Variants in SDK1 observed in about 807,000 individuals in gnomAD.
SDK1 encodes sidekick cell adhesion molecule 1.
Under a neutral mutation model 245.5 loss-of-function variants are expected in SDK1, and 157 were observed. That is an observed-to-expected ratio of 0.64 (90% confidence interval 0.56 to 0.73). SDK1 has a LOEUF of 0.73. Ranked by LOEUF, SDK1 falls within the 30% of genes least tolerant of loss-of-function variation. SDK1 has a pLI of 0.00. For missense variants in SDK1, 3,583 were observed against 3,002.3 expected (o/e 1.19, Z -4.52); for synonymous variants, 1,647 against 1,278.5 (o/e 1.29, Z -6.15).
chr7:3,332,974 G>A (rs373994695), intron 1 of SDK1, among the ~76,000 whole-genome samples: 6 of 152,310 alleles, frequency 3.9e-5, no homozygotes, highest in African/African-American at 1.2e-4. Flanking sequence ...GAGCCTCTTT[G>A]TCCAGAAAAG....
intron 1 of SDK1, among the ~76,000 whole-genome samples, chr7:3,481,766 G>A (rs1781530183): frequency 6.6e-6 from 1 of 152,200 alleles, no homozygotes; most frequent in African/African-American, 2.4e-5. Context: ...AACAGCAGTT[G>A]TCATTTGCTC....
At position 3,979,550 on chromosome 7, in the gene SDK1, A is replaced by T. The variant is rs187484266; in HGVS notation, c.1994+5005A>T. Among the ~76,000 whole-genome samples the T allele has an allele frequency of 2.0e-5, 3 of 152,238 alleles. No individual in the cohort carries two copies. In the East Asian group the frequency reaches 5.8e-4, roughly 29 times the overall value. On this transcript the variant is annotated intron_variant, in intron 13 of 44. Coordinates refer to ENST00000404826, the MANE Select transcript of SDK1 (RefSeq NM_152744.4). The stretch of plus-strand genomic sequence containing the variant: ...ACTCCACCTACTGAGCTGAAATGAG[A>T]CGGTGTCTTTTGCCCTACTGAGGAG...
intron 4 of SDK1, among the ~76,000 whole-genome samples, chr7:3,748,017 A>G: frequency 6.6e-6 from 1 of 152,316 alleles, no homozygotes; most frequent in South Asian, 2.1e-4. Flanking sequence ...ATATTAGTAT[A>G]TATTTGATTA....
chr7:4,175,712 C>A, intron 33 of SDK1, 63 bp from the exon 34 acceptor site: 1 of 1,358,918 alleles, frequency 7.4e-7, no homozygotes, highest in Non-Finnish European at 1.1e-6. Context: ...TCCTGCCGCA[C>A]ATCACCTGCG....
rs560338956 is a variant in SDK1 at position 3,654,533 on chromosome 7, A to G, written c.713+12428A>G. Among the ~76,000 whole-genome samples the G allele has an allele frequency of 2.0e-5, 3 of 151,620 alleles. No homozygotes were observed. The East Asian group carries it at 5.9e-4, about 30-fold the overall frequency. On this transcript the variant is annotated intron_variant, in intron 4 of 44. Transcript: ENST00000404826. ...TAGGTCAGGATATGGGCTGTTGCCC[A>G]CAGTAAGTTTGACATCTACACCATC...
At chr7:3,979,215 G>A (rs1783204168) in intron 13 of SDK1, among the ~76,000 whole-genome samples, 1 of 152,168 alleles carries the variant, frequency 6.6e-6, no homozygotes, top group Non-Finnish European at 1.5e-5. Context: ...CTCAAAGGAC[G>A]GCTGTGAGGG....
At chr7:4,187,130 G>A (rs1363611562) in intron 35 of SDK1, among the ~76,000 whole-genome samples, 2 of 152,186 alleles carry the variant, frequency 1.3e-5, no homozygotes, top group Non-Finnish European at 2.9e-5. Context: ...AGAGAGGACA[G>A]GTGGGCTTGC....
At chr7:3,858,963 C>T (rs1260258035) in intron 5 of SDK1, among the ~76,000 whole-genome samples, 2 of 150,620 alleles carry the variant, frequency 1.3e-5, no homozygotes, top group Non-Finnish European at 3.0e-5. Context: ...ACCAGGTCCA[C>T]GGCATTCTCC....
chr7:4,030,083 G>T (rs1033515571), intron 17 of SDK1, among the ~76,000 whole-genome samples: 3 of 152,288 alleles, frequency 2.0e-5, no homozygotes, highest in Middle Eastern at 6.8e-3. Context: ...ATACAACCCT[G>T]TACTGGCTAG....
intron 1 of SDK1, among the ~76,000 whole-genome samples, chr7:3,469,191 G>A (rs1286712362): frequency 6.6e-6 from 1 of 152,148 alleles, no homozygotes; most frequent in Non-Finnish European, 1.5e-5. Context: ...GGGAGGCCAA[G>A]GTGGGAGAAT....
intron 5 of SDK1, among the ~76,000 whole-genome samples, chr7:3,923,048 G>A (rs186363136): frequency 6.6e-5 from 10 of 152,304 alleles, no homozygotes; most frequent in Admixed American, 5.9e-4. Flanking sequence ...TCGAGCTTCT[G>A]TTGCATTGTT....
At chr7:4,091,892 A>G (rs932825121) in intron 22 of SDK1, among the ~76,000 whole-genome samples, 1 of 152,078 alleles carries the variant, frequency 6.6e-6, no homozygotes, top group Non-Finnish European at 1.5e-5. Context: ...TCTTCTGGGG[A>G]ACTCCACACT....
chr7:3,409,341 A>G (rs2056475), intron 1 of SDK1, among the ~76,000 whole-genome samples: 118,234 of 149,730 alleles, frequency 0.79, 47,003 homozygotes, highest in African/African-American at 0.88. Flanking sequence ...TCTGAACAAT[A>G]CTCTTGGTTA....
At chr7:3,937,425 C>G (rs971136219) in intron 5 of SDK1, among the ~76,000 whole-genome samples, 1 of 152,218 alleles carries the variant, frequency 6.6e-6, no homozygotes, top group Non-Finnish European at 1.5e-5. Context: ...GCGGCAGAAC[C>G]ACCCAGCCTG....
chr7:3,461,396 T>A (rs542752701), intron 1 of SDK1, among the ~76,000 whole-genome samples: 3 of 152,294 alleles, frequency 2.0e-5, no homozygotes, highest in African/African-American at 7.2e-5. Context: ...AGATATCAAA[T>A]TTTAGATAAC....
chr7:4,063,597 CAA>C (rs35423286), intron 19 of SDK1, among the ~76,000 whole-genome samples: 2 of 125,150 alleles, frequency 1.6e-5, no homozygotes. Context: ...ACAGAAATAG[CAA>C]AAAAAAAAAA....
chr7:3,668,451 A>G (rs1783602201), intron 4 of SDK1, among the ~76,000 whole-genome samples: 1 of 152,214 alleles, frequency 6.6e-6, no homozygotes, highest in Admixed American at 6.5e-5. Flanking sequence ...TCCAAGGACA[A>G]ACATACAGAG....
chr7:3,329,127 T>G (rs1780005148), intron 1 of SDK1, among the ~76,000 whole-genome samples: 1 of 152,156 alleles, frequency 6.6e-6, no homozygotes, highest in Non-Finnish European at 1.5e-5. Flanking sequence ...AATTTATATT[T>G]TGTTAATGAC....
At chr7:3,722,150 A>C (rs1562395979) in intron 4 of SDK1, among the ~76,000 whole-genome samples, 2 of 152,066 alleles carry the variant, frequency 1.3e-5, no homozygotes, top group Admixed American at 6.6e-5. Flanking sequence ...AAAGTGCTGG[A>C]ATTACAGATG....
Sources: allele counts gnomAD v4.1 joint callset (sites outside exome capture counted in the v4.1 genomes callset), GRCh38; gene constraint gnomAD v4.1.1; transcripts MANE v1.5; gene names NCBI Gene and HGNC (gene_info 2026-07-23, HGNC 2026-07-21).